Variants in XYLT1 observed in about 807,000 individuals in gnomAD.
XYLT1 encodes the protein xylosyltransferase 1.
XYLT1 carries 36 observed loss-of-function variants against 91.3 expected under a neutral mutation model. The observed-to-expected ratio is 0.39, with a 90% confidence interval of 0.30 to 0.52. The LOEUF (loss-of-function observed/expected upper bound fraction) is 0.52. Among genes scored for constraint, XYLT1 ranks in the 20% least tolerant of loss-of-function variants. The pLI is 0.68. For synonymous variants in XYLT1, 588 were observed against 532.0 expected, an observed-to-expected ratio of 1.11 and a Z score of -1.45; for missense variants, 1,242 against 1,284.5, an observed-to-expected ratio of 0.97 and a Z score of 0.51.
chr16:17,141,447 A>C, intron 6 of XYLT1, 78 bp from the exon 7 acceptor site: 1 of 1,401,564 alleles, frequency 7.1e-7, no homozygotes, highest in Non-Finnish European at 9.8e-7. Flanking sequence ...ATAAAACAAC[A>C]CAATCATAGC....
At chr16:17,241,293 G>A (rs2033342173) in intron 3 of XYLT1, among the ~76,000 whole-genome samples, 1 of 152,176 alleles carries the variant, frequency 6.6e-6, no homozygotes, top group Admixed American at 6.5e-5. Flanking sequence ...GGATAACCAG[G>A]TTAATTGCTC....
At chr16:17,462,308 A>G (rs1242761765) in intron 1 of XYLT1, among the ~76,000 whole-genome samples, 1 of 152,180 alleles carries the variant, frequency 6.6e-6, no homozygotes, top group Non-Finnish European at 1.5e-5. Context: ...AAGCTTGAGA[A>G]TGGGTCCCAC....
chr16:17,102,973 A>G lies in XYLT1; in HGVS notation c.*5722T>C, dbSNP rs1487001616. 6.6e-6 allele frequency: 1 copy of G among 152,564 alleles called. No homozygotes were observed. The highest frequency in any genetic ancestry group is 1.5e-5 in the Non-Finnish European group (1 of 68,002). The allele number at this position is 152,564 out of a possible 1,614,324, so 9.5% of individuals were successfully genotyped here. ...TAATATTTAAAAAAAAAAAAGGCAA[A>G]AGGACTACAAAGACAATTGCGCACA... On this transcript the variant is annotated 3_prime_UTR_variant, in exon 12 of 12. Coordinates refer to ENST00000261381, the MANE Select transcript of XYLT1 (RefSeq NM_022166.4).
At chr16:17,452,305 C>CTTTT (rs35177574) in intron 1 of XYLT1, among the ~76,000 whole-genome samples, 35 of 131,670 alleles carry the variant, frequency 2.7e-4, no homozygotes, top group Non-Finnish European at 3.7e-4. Context: ...CAGTTTTTTT[C>CTTTT]TTTTTTTTTT....
intron 2 of XYLT1, among the ~76,000 whole-genome samples, chr16:17,286,216 G>A (rs535202211): frequency 2.7e-4 from 41 of 152,240 alleles, no homozygotes; most frequent in African/African-American, 9.9e-4. Context: ...GCTCATGTAA[G>A]CTCATAAATC....
intron 1 of XYLT1, among the ~76,000 whole-genome samples, chr16:17,437,532 G>C (rs1271859512): frequency 6.6e-6 from 1 of 152,098 alleles, no homozygotes; most frequent in East Asian, 1.9e-4. Context: ...CATCTGCTTG[G>C]AATGCACTTG....
intron 11 of XYLT1, among the ~76,000 whole-genome samples, chr16:17,109,847 C>T (rs1177649979): frequency 6.6e-6 from 1 of 152,204 alleles, no homozygotes; most frequent in African/African-American, 2.4e-5. Context: ...TGCCGAGCGT[C>T]CACCTTGTAC....
At chr16:17,424,383 T>C (rs2036287475) in intron 1 of XYLT1, among the ~76,000 whole-genome samples, 1 of 152,200 alleles carries the variant, frequency 6.6e-6, no homozygotes, top group Non-Finnish European at 1.5e-5. Context: ...AACCTTTCAT[T>C]ACAAATTCCA....
chr16:17,160,869 T>C (rs1177589880), intron 5 of XYLT1, among the ~76,000 whole-genome samples: 1 of 152,140 alleles, frequency 6.6e-6, no homozygotes, highest in African/African-American at 2.4e-5. Flanking sequence ...AAGCAATGTT[T>C]CTCTCCAAAC....
At chr16:17,352,080 A>G (rs1027597167) in intron 2 of XYLT1, among the ~76,000 whole-genome samples, 6 of 152,148 alleles carry the variant, frequency 3.9e-5, no homozygotes, top group African/African-American at 7.2e-5. Context: ...AGATGGAGTC[A>G]CTGCACTTCC....
intron 2 of XYLT1, among the ~76,000 whole-genome samples, chr16:17,284,008 T>C (rs1404339212): frequency 6.6e-6 from 1 of 152,182 alleles, no homozygotes; most frequent in Non-Finnish European, 1.5e-5. Flanking sequence ...GTCCTCACAG[T>C]TCCAGCTCAA....
At chr16:17,464,351 G>A (rs1393077995) in intron 1 of XYLT1, among the ~76,000 whole-genome samples, 1 of 152,102 alleles carries the variant, frequency 6.6e-6, no homozygotes, top group Non-Finnish European at 1.5e-5. Flanking sequence ...AATTAGCCAG[G>A]TGTGGTGGCG....
At chr16:17,258,342 A>T (rs895780724) in intron 3 of XYLT1, among the ~76,000 whole-genome samples, 5 of 151,580 alleles carry the variant, frequency 3.3e-5, no homozygotes, top group Non-Finnish European at 5.9e-5. Flanking sequence ...AGGAAATAGG[A>T]AAGAAGGAAG....
intron 3 of XYLT1, among the ~76,000 whole-genome samples, chr16:17,230,696 A>C (rs1274314006): frequency 6.6e-6 from 1 of 151,740 alleles, no homozygotes; most frequent in African/African-American, 2.4e-5. Context: ...ACCTTTCATC[A>C]CTTCCCTTGG....
chr16:17,179,450 A>G (rs1235040803), intron 5 of XYLT1, among the ~76,000 whole-genome samples: 1 of 152,206 alleles, frequency 6.6e-6, no homozygotes, highest in Non-Finnish European at 1.5e-5. Flanking sequence ...AATCTTCCTC[A>G]TAACTTTCTG....
chr16:17,170,712 C>A (rs1433849744), intron 5 of XYLT1, among the ~76,000 whole-genome samples: 2 of 152,202 alleles, frequency 1.3e-5, no homozygotes, highest in African/African-American at 4.8e-5. Context: ...GCCTTTTTCA[C>A]CATTCATCCT....
intron 2 of XYLT1, among the ~76,000 whole-genome samples, chr16:17,273,782 T>C (rs909860444): frequency 6.8e-6 from 1 of 146,000 alleles, no homozygotes; most frequent in Non-Finnish European, 1.5e-5. Context: ...AGGCAGAGGT[T>C]GCAGTGAGCC....
intron 2 of XYLT1, among the ~76,000 whole-genome samples, chr16:17,320,161 T>C (rs1257602658): frequency 6.6e-6 from 1 of 152,236 alleles, no homozygotes; most frequent in Non-Finnish European, 1.5e-5. Flanking sequence ...GTTTGTTTCC[T>C]GTCTCTTTCT....
At chr16:17,233,694 T>C (rs1277107614) in intron 3 of XYLT1, among the ~76,000 whole-genome samples, 1 of 152,118 alleles carries the variant, frequency 6.6e-6, no homozygotes, top group Non-Finnish European at 1.5e-5. Flanking sequence ...GAATAATAAT[T>C]GGAAGAGTGA....
Sources: allele counts gnomAD v4.1 joint callset (sites outside exome capture counted in the v4.1 genomes callset), GRCh38; gene constraint gnomAD v4.1.1; transcripts MANE v1.5; gene names NCBI Gene and HGNC (gene_info 2026-07-23, HGNC 2026-07-21).